The following TTC13 variants were observed in gnomAD, a reference collection of about 807,000 sequenced individuals.
The protein encoded by TTC13 is tetratricopeptide repeat protein 13.
In TTC13, 62 loss-of-function variants were observed where a neutral mutation model predicts 120.0. That is an observed-to-expected ratio of 0.52 (90% CI 0.42 to 0.64). The LOEUF is 0.64. Ranked by LOEUF, TTC13 falls within the 30% of genes least tolerant of loss-of-function variation. The pLI is 0.00. For missense variants in TTC13, 824 were observed against 1,050.2 expected, an observed-to-expected ratio of 0.78 and a Z score of 2.98; for synonymous variants, 384 against 393.5, an observed-to-expected ratio of 0.98 and a Z score of 0.28.
chr1:230,964,899 T>C (rs961497975), intron 1 of TTC13, among the ~76,000 whole-genome samples: 2 of 152,206 alleles, frequency 1.3e-5, no homozygotes, highest in African/African-American at 4.8e-5. Flanking sequence ...TTTCAATAAA[T>C]GGTGCTGGGA....
intron 8 of TTC13, chr1:230,936,236 C>G (rs1674044804): frequency 2.2e-6 from 1 of 456,166 alleles, no homozygotes; most frequent in Non-Finnish European, 4.4e-6. Context: ...GGGTTCCTGT[C>G]TAATCACTGC....
intron 1 of TTC13, among the ~76,000 whole-genome samples, chr1:230,966,263 A>G (rs1192390099): frequency 6.6e-6 from 1 of 152,200 alleles, no homozygotes; most frequent in Non-Finnish European, 1.5e-5. Flanking sequence ...ATTTTATTCC[A>G]AAACTTTCTT....
chr1:230,960,025 C>T (rs1676472312), intron 2 of TTC13, among the ~76,000 whole-genome samples: 1 of 152,242 alleles, frequency 6.6e-6, no homozygotes, highest in Admixed American at 6.5e-5. Context: ...TGGCTTGCTG[C>T]TGTATTCCTA....
In TTC13 at chr1:230,916,842, G is replaced by A. The variant is rs377329930; in HGVS notation, c.1984-540C>T. Among the ~76,000 whole-genome samples, 3 of 152,268 alleles carry A rather than the reference G, an allele frequency of 2.0e-5. No individual in the cohort carries two copies. The East Asian group carries it at 5.8e-4, about 29-fold the overall frequency. On this transcript the variant is annotated intron_variant, in intron 17 of 22. Coordinates refer to ENST00000366661, the MANE Select transcript of TTC13 (RefSeq NM_024525.5). Reference sequence around the variant, plus strand: ...GTCGGTTAAGTTAAAAGAATTACTCGGAGTTAAGAATGGCTTTCGGAGTGA... The same window carrying A: ...GTCGGTTAAGTTAAAAGAATTACTCAGAGTTAAGAATGGCTTTCGGAGTGA...
chr1:230,971,935 C>T (rs1253386281), intron 1 of TTC13, among the ~76,000 whole-genome samples: 1 of 152,132 alleles, frequency 6.6e-6, no homozygotes, highest in South Asian at 2.1e-4. Context: ...TCTCATAAGC[C>T]CACACATACT....
chr1:230,908,919 T>C (rs921469078), intron 21 of TTC13, 23 bp downstream of exon 21: 25 of 1,613,566 alleles, frequency 1.5e-5, no homozygotes, highest in Non-Finnish European at 2.1e-5. Context: ...ACCAAGCATT[T>C]CTCCCTTCCC....
chr1:230,906,559 T>G lies in TTC13; in HGVS notation c.*346A>C. On this transcript the variant is annotated 3_prime_UTR_variant, in exon 23 of 23. Transcript: ENST00000366661. ...CTCTAAAGGAATACAAACACTCCTA[T>G]TTGGTTTTGTTTTTGTTCATCTTCA... 1.3e-5 allele frequency: 2 copies of G among 156,680 alleles called. No homozygotes were observed. Among genetic ancestry groups the G allele is most frequent in the Middle Eastern group, 3.2e-3 (1 of 312 alleles). 9.7% of individuals were successfully genotyped at this position (156,680 alleles called of 1,614,324 possible).
At chr1:230,958,109 A>T in intron 3 of TTC13, 115 bp downstream of exon 3, 1 of 950,716 alleles carries the variant, frequency 1.1e-6, no homozygotes, top group Non-Finnish European at 1.6e-6. Flanking sequence ...AAGATCAAAC[A>T]GCTCAAATTG....
intron 17 of TTC13, among the ~76,000 whole-genome samples, chr1:230,917,648 C>T (rs1672167004): frequency 6.6e-6 from 1 of 152,156 alleles, no homozygotes; most frequent in Non-Finnish European, 1.5e-5. Context: ...GAACAAACAT[C>T]TTACATCTTT....
intron 17 of TTC13, 56 bp downstream of exon 17, chr1:230,920,454 C>CTG (rs1331372800): frequency 8.2e-7 from 1 of 1,213,448 alleles, no homozygotes; most frequent in African/African-American, 1.5e-5. Context: ...TAAAAAAGTG[C>CTG]TGTTGGTTTT....
chr1:230,906,336 GGACTCT>G lies in TTC13; in HGVS notation c.*563_*568del, dbSNP rs1670935321. On this transcript the variant is annotated 3_prime_UTR_variant, in exon 23 of 23. Coordinates refer to ENST00000366661, the MANE Select transcript of TTC13 (RefSeq NM_024525.5). ...ACATGGTTCAATAATTCAGCATTTG[GGACTCT>G]GGCAAGTACTGTCTGCATTGTTCAA... 1 of 152,018 alleles carries G rather than the reference GGACTCT, an allele frequency of 6.6e-6. No individual in the cohort carries two copies. The highest frequency in any genetic ancestry group is 2.4e-5 in the African/African-American group (1 of 41,370). The allele number at this position is 152,018 out of a possible 1,614,324, so 9.4% of individuals were successfully genotyped here.
At chr1:230,924,015 G>A in intron 14 of TTC13, 82 bp from the exon 15 acceptor site, 5 of 1,057,814 alleles carry the variant, frequency 4.7e-6, no homozygotes, top group South Asian at 1.5e-5. Context: ...GCAAAGGTGG[G>A]GATAAAGCAA....
intron 17 of TTC13, 151 bp from the exon 18 acceptor site, chr1:230,916,453 C>G: frequency 3.0e-6 from 2 of 658,448 alleles, no homozygotes; most frequent in Non-Finnish European, 5.5e-6. Context: ...TGGCCAAGGA[C>G]ATCTCTGCCT....
chr1:230,966,531 T>C (rs1677149011), intron 1 of TTC13, among the ~76,000 whole-genome samples: 1 of 152,250 alleles, frequency 6.6e-6, no homozygotes, highest in Non-Finnish European at 1.5e-5. Flanking sequence ...TACATATTTG[T>C]TGAGCATCTA....
At chr1:230,919,626 C>G (rs898437082) in intron 17 of TTC13, among the ~76,000 whole-genome samples, 1 of 152,226 alleles carries the variant, frequency 6.6e-6, no homozygotes, top group African/African-American at 2.4e-5. Flanking sequence ...AAATCACTAG[C>G]AGATCCACTT....
At chr1:230,965,859 C>T (rs993627886) in intron 1 of TTC13, among the ~76,000 whole-genome samples, 11 of 152,120 alleles carry the variant, frequency 7.2e-5, no homozygotes, top group African/African-American at 2.7e-4. Context: ...CTGTGTTGCC[C>T]AGAATGGTCT....
In TTC13 at chr1:230,922,129, C is replaced by T. The variant is rs114889630; in HGVS notation, c.1815-625G>A. 7.4e-3 allele frequency among the ~76,000 whole-genome samples: 1,127 copies of T among 152,234 alleles called. 12 individuals carry two copies. The highest frequency in any genetic ancestry group is 0.025 in the African/African-American group (1,058 of 41,536). On this transcript the variant is annotated intron_variant, in intron 15 of 22. Transcript: ENST00000366661. ...ATTCCCTCCTGCAACCCACACTTCT[C>T]CCAGCCTCCCCACTAAACATGTCCA...
At chr1:230,956,935 T>C (rs1390947336) in intron 3 of TTC13, among the ~76,000 whole-genome samples, 1 of 152,154 alleles carries the variant, frequency 6.6e-6, no homozygotes, top group Non-Finnish European at 1.5e-5. Flanking sequence ...GTCATTTTTT[T>C]CAAGAAAAAA....
intron 1 of TTC13, among the ~76,000 whole-genome samples, chr1:230,977,312 C>T (rs1026407707): frequency 6.6e-6 from 1 of 152,148 alleles, no homozygotes; most frequent in African/African-American, 2.4e-5. Context: ...AATAAAACCC[C>T]ACAATTAGGT....
Sources: allele counts gnomAD v4.1 joint callset (sites outside exome capture counted in the v4.1 genomes callset), GRCh38; gene constraint gnomAD v4.1.1; transcripts MANE v1.5; gene names NCBI Gene and HGNC (gene_info 2026-07-23, HGNC 2026-07-21).